Variants in TTC28 observed in about 807,000 individuals in gnomAD.
The protein encoded by TTC28 is tetratricopeptide repeat protein 28.
TTC28 carries 61 observed loss-of-function variants against 198.0 expected under a neutral mutation model. The observed-to-expected ratio is 0.31, with a 90% confidence interval of 0.25 to 0.38. The LOEUF (loss-of-function observed/expected upper bound fraction) is 0.38. Ranked by LOEUF, TTC28 falls within the 10% of genes least tolerant of loss-of-function variation. The probability of loss-of-function intolerance (pLI) is 1.00; values close to 1 mark genes in which losing one functional copy is unlikely to be tolerated. For missense variants in TTC28, 2,678 were observed against 3,164.0 expected, an observed-to-expected ratio of 0.85 and a Z score of 3.69; for synonymous variants, 1,171 against 1,297.8, an observed-to-expected ratio of 0.90 and a Z score of 2.10.
At position 28,056,516 on chromosome 22, in the gene TTC28, A is replaced by G. The variant is rs1940296327; in HGVS notation, c.3933-26150T>C. 5 of 152,030 alleles carry G rather than the reference A, an allele frequency of 3.3e-5. No homozygotes were observed. The South Asian group carries it at 1.0e-3, about 32-fold the overall frequency. 9.4% of individuals were successfully genotyped at this position (152,030 alleles called of 1,614,324 possible). A position where few individuals can be genotyped will look rare whatever the true frequency, so the allele number is the denominator to read the frequency against. ...TAGTTTACCCTCTTTCCATTCATCAACTCATTTTGTGTTTGGATGTAATTC... is the reference window on the plus strand; with the variant it reads ...TAGTTTACCCTCTTTCCATTCATCAGCTCATTTTGTGTTTGGATGTAATTC... On this transcript the variant is annotated intron_variant, in intron 12 of 22. Coordinates refer to ENST00000397906, the MANE Select transcript of TTC28 (RefSeq NM_001145418.2).
intron 1 of TTC28, among the ~76,000 whole-genome samples, chr22:28,659,080 AG>A (rs1190332416): frequency 6.6e-6 from 1 of 152,222 alleles, no homozygotes; most frequent in Admixed American, 6.5e-5. Context: ...CTATCTGCAA[AG>A]CAGACAGTGG....
chr22:28,654,271 T>C (rs1321579950), intron 1 of TTC28, among the ~76,000 whole-genome samples: 2 of 152,146 alleles, frequency 1.3e-5, no homozygotes, highest in East Asian at 1.9e-4. Flanking sequence ...TTCTCAGAAC[T>C]GAGATTCTGC....
rs576645244 is a variant in TTC28 at position 28,197,007 on chromosome 22, A to C, written c.934-33408T>G. ...TGTGGCACTATTCACAATAGCAAAG[A>C]CTTGGAACCAACCCAAATGTCCAAC... On this transcript the variant is annotated intron_variant, in intron 5 of 22. Transcript: ENST00000397906. 5.3e-5 allele frequency among the ~76,000 whole-genome samples: 8 copies of C among 152,222 alleles called. No homozygotes were observed. The East Asian group carries it at 1.4e-3, about 26-fold the overall frequency.
At chr22:28,356,205 C>G (rs147649817) in intron 2 of TTC28, among the ~76,000 whole-genome samples, 3 of 152,234 alleles carry the variant, frequency 2.0e-5, no homozygotes, top group Non-Finnish European at 4.4e-5. Context: ...AGCTACTACT[C>G]TCTTCCCTTC....
intron 1 of TTC28, among the ~76,000 whole-genome samples, chr22:28,653,901 CGT>C (rs1185983863): frequency 6.6e-6 from 1 of 152,122 alleles, no homozygotes; most frequent in Non-Finnish European, 1.5e-5. Flanking sequence ...CCGAAAATGA[CGT>C]AAGAAGACAC....
intron 5 of TTC28, among the ~76,000 whole-genome samples, chr22:28,231,922 A>G (rs1018159709): frequency 6.6e-6 from 1 of 152,220 alleles, no homozygotes; most frequent in Non-Finnish European, 1.5e-5. Context: ...TAAATACTTA[A>G]TCTAGACTTA....
rs1282041876 is a variant in TTC28 at position 28,672,589 on chromosome 22, C to T, written c.102+7033G>A. Among the ~76,000 whole-genome samples, 5 of 152,160 alleles carry T rather than the reference C, an allele frequency of 3.3e-5. No individual in the cohort carries two copies. The East Asian group carries it at 5.8e-4, about 18-fold the overall frequency. On this transcript the variant is annotated intron_variant, in intron 1 of 22. Coordinates refer to ENST00000397906, the MANE Select transcript of TTC28 (RefSeq NM_001145418.2). The stretch of plus-strand genomic sequence containing the variant: ...TGCTGGGATTACAGGCATGACCCAC[C>T]ACACCTGGCCTAAAATATTTATTAC...
At chr22:28,170,405 C>A (rs868005223) in intron 5 of TTC28, among the ~76,000 whole-genome samples, 22 of 150,888 alleles carry the variant, frequency 1.5e-4, no homozygotes, top group Middle Eastern at 3.5e-3. Context: ...AGGAGAATGG[C>A]GTGAACCCAG....
intron 5 of TTC28, among the ~76,000 whole-genome samples, chr22:28,199,216 AACTG>A (rs944718830): frequency 1.2e-4 from 18 of 151,716 alleles, no homozygotes; most frequent in Admixed American, 1.1e-3. Flanking sequence ...CCATAAAGGG[AACTG>A]ACTGACTAAA....
chr22:28,559,927 A>G (rs2049842974), intron 2 of TTC28, among the ~76,000 whole-genome samples: 1 of 152,200 alleles, frequency 6.6e-6, no homozygotes, highest in Non-Finnish European at 1.5e-5. Context: ...TTATAGCTTG[A>G]GCCCTGATCT....
intron 3 of TTC28, among the ~76,000 whole-genome samples, chr22:28,300,795 T>C (rs2045004655): frequency 1.3e-5 from 2 of 152,126 alleles, no homozygotes; most frequent in Non-Finnish European, 2.9e-5. Context: ...GACAGATACA[T>C]GAAATGACAG....
At chr22:28,527,417 G>A (rs2049024452) in intron 2 of TTC28, among the ~76,000 whole-genome samples, 1 of 152,146 alleles carries the variant, frequency 6.6e-6, no homozygotes, top group African/African-American at 2.4e-5. Context: ...GTTGAAGTTT[G>A]CCTGTGCCCA....
At chr22:28,266,850 T>A (rs1279945928) in intron 5 of TTC28, among the ~76,000 whole-genome samples, 1 of 152,188 alleles carries the variant, frequency 6.6e-6, no homozygotes, top group Admixed American at 6.6e-5. Context: ...ACAATGACCA[T>A]TAAGCATCTG....
chr22:28,197,710 C>T (rs1925518541), intron 5 of TTC28, among the ~76,000 whole-genome samples: 1 of 151,848 alleles, frequency 6.6e-6, no homozygotes, highest in Non-Finnish European at 1.5e-5. Context: ...GGACTGGGAG[C>T]AAGAACAGAA....
intron 2 of TTC28, among the ~76,000 whole-genome samples, chr22:28,468,439 C>CT (rs985932395): frequency 2.6e-5 from 4 of 152,132 alleles, no homozygotes; most frequent in African/African-American, 9.7e-5. Flanking sequence ...TATGTCTCCT[C>CT]TCCCCCATCT....
chr22:28,480,940 A>G lies in TTC28; in HGVS notation c.381+148612T>C, dbSNP rs367814954. Reference sequence around the variant, plus strand: ...GTTTATTATACCAGATAGGTTGATCATCCTCATTTTATAAATGAATAAACT... The same window carrying G: ...GTTTATTATACCAGATAGGTTGATCGTCCTCATTTTATAAATGAATAAACT... On this transcript the variant is annotated intron_variant, in intron 2 of 22. Transcript: ENST00000397906. Among the ~76,000 whole-genome samples, 14 of 152,294 alleles carry G rather than the reference A, an allele frequency of 9.2e-5. No homozygotes were observed. The South Asian group carries it at 2.9e-3, about 32-fold the overall frequency.
chr22:28,019,361 G>A (rs933352237), intron 13 of TTC28, among the ~76,000 whole-genome samples: 15 of 152,172 alleles, frequency 9.9e-5, no homozygotes. Flanking sequence ...CTGAACCTCA[G>A]CCCTTCCTGT....
At position 28,454,244 on chromosome 22, in the gene TTC28, T is replaced by G. The variant is rs532074290; in HGVS notation, c.382-147601A>C. On this transcript the variant is annotated intron_variant, in intron 2 of 22. Coordinates refer to ENST00000397906, the MANE Select transcript of TTC28 (RefSeq NM_001145418.2). ...TACATTATTTCTCATTTAACCTCTGTGCATCCAATAGCTTATAAGCTCTAA... is the reference window on the plus strand; with the variant it reads ...TACATTATTTCTCATTTAACCTCTGGGCATCCAATAGCTTATAAGCTCTAA... Among the ~76,000 whole-genome samples the G allele has an allele frequency of 3.3e-3, 505 of 152,364 alleles. 1 individual carries two copies. Among genetic ancestry groups the G allele is most frequent in the African/African-American group, 0.01 (435 of 41,588 alleles).
At chr22:28,659,213 T>TA (rs1349170527) in intron 1 of TTC28, among the ~76,000 whole-genome samples, 2 of 152,200 alleles carry the variant, frequency 1.3e-5, no homozygotes, top group Non-Finnish European at 2.9e-5. Flanking sequence ...CATCACAGTA[T>TA]AAAAATGTCT....
Sources: gnomAD v4.1 joint callset for allele counts (sites outside exome capture counted in the v4.1 genomes callset) on GRCh38, gnomAD v4.1.1 for gene constraint, MANE v1.5 for transcripts, NCBI Gene and HGNC (gene_info 2026-07-23, HGNC 2026-07-21) for gene names.